MGAT4C: variants seen among roughly 807,000 people sequenced by gnomAD.
MGAT4C encodes alpha-1,3-mannosyl-glycoprotein 4-beta-N-acetylglucosaminyltransferase C.
MGAT4C carries 19 observed loss-of-function variants against 40.1 expected under a neutral mutation model. That is an observed-to-expected ratio of 0.47 (90% CI 0.33 to 0.70). The LOEUF (loss-of-function observed/expected upper bound fraction) is 0.70. MGAT4C is among the 30% of genes least tolerant of loss of function. The pLI, the probability that MGAT4C is intolerant of heterozygous loss-of-function variation, is 0.02. For synonymous variants in MGAT4C, 181 were observed against 187.1 expected (o/e 0.97, Z 0.27); for missense variants, 491 against 563.2 (o/e 0.87, Z 1.30).
chr12:86,537,714 T>C (rs538978674), intron 2 of MGAT4C, among the ~76,000 whole-genome samples: 11 of 152,288 alleles, frequency 7.2e-5, no homozygotes, highest in African/African-American at 2.6e-4. Context: ...AATACTATTT[T>C]ATTCTTGACA....
chr12:86,010,504 C>A (rs911343532), intron 2 of MGAT4C, among the ~76,000 whole-genome samples: 1 of 152,044 alleles, frequency 6.6e-6, no homozygotes, highest in African/African-American at 2.4e-5. Context: ...ATGGTGAAAC[C>A]CCGTCTCTAC....
intron 1 of MGAT4C, among the ~76,000 whole-genome samples, chr12:86,762,722 G>A (rs781008406): frequency 6.6e-6 from 1 of 152,140 alleles, no homozygotes; most frequent in African/African-American, 2.4e-5. Context: ...AAAACATTTT[G>A]TCCTATTTTA....
rs1883540781 is a variant in MGAT4C at position 85,969,962 on chromosome 12, A to G, written c.*9327T>C. 6.6e-6 allele frequency: 1 copy of G among 151,422 alleles called. No homozygotes were observed. Among genetic ancestry groups the G allele is most frequent in the Admixed American group, 6.6e-5 (1 of 15,154 alleles). 9.4% of individuals were successfully genotyped at this position (151,422 alleles called of 1,614,324 possible). A position where few individuals can be genotyped will look rare whatever the true frequency, so the allele number is the denominator to read the frequency against. The stretch of plus-strand genomic sequence containing the variant: ...TTGCTTGGAACATATTTATGTAGTA[A>G]GCATTGTTCTTGGCTGAGCTTACAT... On this transcript the variant is annotated 3_prime_UTR_variant, in exon 5 of 5. Transcript: ENST00000611864.
intron 2 of MGAT4C, among the ~76,000 whole-genome samples, chr12:86,539,016 T>C (rs972639454): frequency 6.6e-6 from 1 of 151,960 alleles, no homozygotes; most frequent in Non-Finnish European, 1.5e-5. Flanking sequence ...TCATATATTC[T>C]AAAAACTTTT....
chr12:86,300,011 A>T (rs1315662643), intron 4 of MGAT4C, among the ~76,000 whole-genome samples: 1 of 152,216 alleles, frequency 6.6e-6, no homozygotes, highest in African/African-American at 2.4e-5. Flanking sequence ...ACTCAAACTT[A>T]TCAATTTCAG....
intron 1 of MGAT4C, among the ~76,000 whole-genome samples, chr12:86,186,827 A>C (rs1174152033): frequency 5.3e-5 from 8 of 152,116 alleles, no homozygotes. Flanking sequence ...AAGAATAAGA[A>C]ACAGCCTGCT....
chr12:86,721,875 G>A (rs1950743162), intron 2 of MGAT4C, among the ~76,000 whole-genome samples: 1 of 152,010 alleles, frequency 6.6e-6, no homozygotes, highest in Non-Finnish European at 1.5e-5. Flanking sequence ...TGTTTTAAAG[G>A]AAAATATTCA....
intron 1 of MGAT4C, among the ~76,000 whole-genome samples, chr12:86,182,295 G>C (rs1374382730): frequency 6.6e-6 from 1 of 151,718 alleles, no homozygotes; most frequent in East Asian, 1.9e-4. Flanking sequence ...CCTTGTGTCG[G>C]GGCTGTTTTC....
At chr12:86,368,358 A>G (rs1443475986) in intron 3 of MGAT4C, among the ~76,000 whole-genome samples, 1 of 151,386 alleles carries the variant, frequency 6.6e-6, no homozygotes, top group African/African-American at 2.4e-5. Context: ...AGTTTCAGTA[A>G]TTTTTTTCTA....
At chr12:86,191,167 A>G (rs1889408371) in intron 1 of MGAT4C, among the ~76,000 whole-genome samples, 1 of 151,456 alleles carries the variant, frequency 6.6e-6, no homozygotes, top group African/African-American at 2.4e-5. Context: ...AAGAATGCTG[A>G]GTGATACAAA....
At chr12:86,354,650 A>G (rs973948891) in intron 3 of MGAT4C, among the ~76,000 whole-genome samples, 4 of 152,226 alleles carry the variant, frequency 2.6e-5, no homozygotes, top group African/African-American at 9.6e-5. Context: ...ACCTGAAGGT[A>G]TATTAATAGA....
chr12:85,976,009 C>T lies in MGAT4C; in HGVS notation c.*3280G>A, dbSNP rs966312473. Reference sequence around the variant, plus strand: ...TTGTTGACAAATTGGCAAATACTGACATGAAATATGCCAATATTTGAGCAT... The same window carrying T: ...TTGTTGACAAATTGGCAAATACTGATATGAAATATGCCAATATTTGAGCAT... On this transcript the variant is annotated 3_prime_UTR_variant, in exon 5 of 5. Transcript: ENST00000611864. The T allele has an allele frequency of 1.3e-5, 2 of 151,052 alleles. No homozygotes were observed. Among genetic ancestry groups the T allele is most frequent in the African/African-American group, 4.8e-5 (2 of 41,334 alleles). 9.4% of individuals were successfully genotyped at this position (151,052 alleles called of 1,614,324 possible).
intron 1 of MGAT4C, among the ~76,000 whole-genome samples, chr12:86,743,214 G>A (rs11836240): frequency 6.7e-6 from 1 of 148,176 alleles, no homozygotes; most frequent in Admixed American, 6.8e-5. Context: ...CAATAAGTAC[G>A]GCAGAGTTAA....
At chr12:86,657,718 T>G (rs1963884739) in intron 2 of MGAT4C, among the ~76,000 whole-genome samples, 1 of 151,904 alleles carries the variant, frequency 6.6e-6, no homozygotes, top group Non-Finnish European at 1.5e-5. Context: ...CTAGTAAATA[T>G]GCTGGAGGAT....
chr12:86,650,680 G>A (rs946681161), intron 2 of MGAT4C, among the ~76,000 whole-genome samples: 1 of 151,790 alleles, frequency 6.6e-6, no homozygotes, highest in African/African-American at 2.4e-5. Flanking sequence ...AGATTGAACT[G>A]GAGAAGAAAA....
intron 2 of MGAT4C, among the ~76,000 whole-genome samples, chr12:86,589,490 A>G (rs1224395744): frequency 1.3e-5 from 2 of 151,900 alleles, no homozygotes; most frequent in Non-Finnish European, 2.9e-5. Flanking sequence ...AGGAACTGGT[A>G]CCATTCCTTC....
At chr12:86,100,222 A>T (rs1874725758) in intron 1 of MGAT4C, among the ~76,000 whole-genome samples, 2 of 151,404 alleles carry the variant, frequency 1.3e-5, no homozygotes, top group Admixed American at 1.3e-4. Flanking sequence ...GTTACAATGC[A>T]TTGGACTCAG....
intron 2 of MGAT4C, among the ~76,000 whole-genome samples, chr12:86,637,645 G>T (rs1481122767): frequency 1.3e-5 from 2 of 151,684 alleles, no homozygotes; most frequent in Non-Finnish European, 2.9e-5. Context: ...ACTTGTTAAA[G>T]CTCCTCAGGC....
chr12:86,521,386 G>A (rs2136359644), intron 2 of MGAT4C, among the ~76,000 whole-genome samples: 1 of 152,174 alleles, frequency 6.6e-6, no homozygotes, highest in South Asian at 2.1e-4. Context: ...TGCTAGGTAT[G>A]TGGCCGTATT....
Sources: allele counts gnomAD v4.1 joint callset (sites outside exome capture counted in the v4.1 genomes callset), GRCh38; gene constraint gnomAD v4.1.1; transcripts MANE v1.5; gene names NCBI Gene and HGNC (gene_info 2026-07-23, HGNC 2026-07-21).